Variants in MAPK8 observed in about 807,000 individuals in gnomAD.
The protein encoded by MAPK8 is mitogen-activated protein kinase 8, also known as JUN N-terminal kinase.
Under a neutral mutation model 52.9 loss-of-function variants are expected in MAPK8, and 13 were observed. The observed-to-expected ratio is 0.25, with a 90% CI of 0.16 to 0.39. MAPK8 has a LOEUF of 0.39. MAPK8 is among the 10% of genes least tolerant of loss of function. The pLI, the probability that MAPK8 is intolerant of heterozygous loss-of-function variation, is 1.00. For synonymous variants in MAPK8, 191 were observed against 169.8 expected (o/e 1.12, Z -0.97); for missense variants, 300 against 519.2 (o/e 0.58, Z 4.10).
chr10:48,320,211 CTTTTT>C lies in MAPK8; in HGVS notation c.-50+13418_-50+13422del, dbSNP rs71026206. On this transcript the variant is annotated intron_variant, in intron 1 of 11. Coordinates refer to ENST00000374189, the MANE Select transcript of MAPK8 (RefSeq NM_001323329.2). Reference sequence around the variant, plus strand: ...TTTCAGGTGTGAGCCACTGCTCGGCCTTTTTTTTTTTTTTTTTTTTTTTTTTTTTT... The same window carrying C: ...TTTCAGGTGTGAGCCACTGCTCGGCCTTTTTTTTTTTTTTTTTTTTTTTTT... Among the ~76,000 whole-genome samples the C allele has an allele frequency of 2.0e-4, 7 of 35,320 alleles. No homozygotes were observed. In the East Asian group the frequency reaches 3.2e-3, roughly 16 times the overall value. 23.2% of individuals were successfully genotyped at this position (35,320 alleles called of 152,430 possible). A position where few individuals can be genotyped will look rare whatever the true frequency, so the allele number is the denominator to read the frequency against.
intron 10 of MAPK8, 118 bp from the exon 11 acceptor site, chr10:48,431,075 T>C (rs2044200224): frequency 5.8e-6 from 4 of 687,110 alleles, no homozygotes; most frequent in African/African-American, 1.8e-5. Flanking sequence ...TGACTGTCAT[T>C]GTAAGGACAC....
At chr10:48,347,019 G>A (rs1207005953) in intron 1 of MAPK8, among the ~76,000 whole-genome samples, 5 of 152,156 alleles carry the variant, frequency 3.3e-5, no homozygotes, top group East Asian at 1.9e-4. Context: ...CGGTCTCCGC[G>A]CATTGGTGGT....
chr10:48,412,808 G>A (rs1296359497), intron 5 of MAPK8, among the ~76,000 whole-genome samples: 2 of 152,118 alleles, frequency 1.3e-5, no homozygotes, highest in Admixed American at 6.5e-5. Context: ...CATATAAAAT[G>A]TGCCATTTTA....
intron 1 of MAPK8, among the ~76,000 whole-genome samples, chr10:48,360,492 G>A (rs1847419194): frequency 6.6e-6 from 1 of 152,104 alleles, no homozygotes; most frequent in Non-Finnish European, 1.5e-5. Context: ...AAATGTGTGG[G>A]GGAGGCATCT....
chr10:48,393,467 A>G (rs1299954042), intron 1 of MAPK8, among the ~76,000 whole-genome samples: 1 of 152,146 alleles, frequency 6.6e-6, no homozygotes, highest in Non-Finnish European at 1.5e-5. Flanking sequence ...GTAAGATGGA[A>G]AAAATGTAGT....
chr10:48,364,538 T>C (rs554743837), intron 1 of MAPK8, among the ~76,000 whole-genome samples: 2 of 152,186 alleles, frequency 1.3e-5, no homozygotes, highest in Non-Finnish European at 2.9e-5. Context: ...TGAATGCTTA[T>C]CATGTGCCAG....
At chr10:48,393,494 G>A (rs2041733260) in intron 1 of MAPK8, among the ~76,000 whole-genome samples, 1 of 152,012 alleles carries the variant, frequency 6.6e-6, no homozygotes, top group African/African-American at 2.4e-5. Flanking sequence ...CCTAACATAA[G>A]GAAACATCAG....
At position 48,435,167 on chromosome 10, in the gene MAPK8, A is replaced by T. The variant is rs1483423552; in HGVS notation, c.*138A>T. On this transcript the variant is annotated 3_prime_UTR_variant, in exon 12 of 12. Transcript: ENST00000374189. ...AATTCATTTTGTAGTAAAGTAGTTT[A>T]TTTTTTTTAATTTCAAGTGATGTAA... 7 of 599,232 alleles carry T rather than the reference A, an allele frequency of 1.2e-5. No homozygotes were observed. The highest frequency in any genetic ancestry group is 1.8e-5 in the Non-Finnish European group (7 of 378,464). 37.1% of individuals were successfully genotyped at this position (599,232 alleles called of 1,614,324 possible).
Position 48,335,670 on chromosome 10 carries a change from A to T in MAPK8, c.-50+28849A>T, listed in dbSNP as rs187017653. Among the ~76,000 whole-genome samples, 222 of 152,316 alleles carry T rather than the reference A, an allele frequency of 1.5e-3. 1 individual carries two copies. The highest frequency in any genetic ancestry group is 5.2e-3 in the African/African-American group (218 of 41,566). On this transcript the variant is annotated intron_variant, in intron 1 of 11. Transcript: ENST00000374189. ...ACATAGTTTGTGTGTCATTCTTTCA[A>T]GTAAAAATTGTATTATTTAAAAACA...
At position 48,437,194 on chromosome 10, in the gene MAPK8, A is replaced by G. The variant is rs2133425033; in HGVS notation, c.*2165A>G. 1 of 152,358 alleles carries G rather than the reference A, an allele frequency of 6.6e-6. No homozygotes were observed. The highest frequency in any genetic ancestry group is 2.1e-4 in the South Asian group (1 of 4,826). 9.4% of individuals were successfully genotyped at this position (152,358 alleles called of 1,614,324 possible). A position where few individuals can be genotyped will look rare whatever the true frequency, so the allele number is the denominator to read the frequency against. On this transcript the variant is annotated 3_prime_UTR_variant, in exon 12 of 12. Coordinates refer to ENST00000374189, the MANE Select transcript of MAPK8 (RefSeq NM_001323329.2). ...CTCTCATTACTTAGTGTAAACTAAA[A>G]TACTTAACAAATTATATCCTAAAAA...
In MAPK8 at chr10:48,352,486, A is replaced by G. The variant is rs77919651; in HGVS notation, c.-50+45665A>G. Among the ~76,000 whole-genome samples the G allele has an allele frequency of 4.1e-3, 627 of 152,324 alleles. 6 individuals carry two copies. The highest frequency in any genetic ancestry group is 0.015 in the African/African-American group (607 of 41,574). On this transcript the variant is annotated intron_variant, in intron 1 of 11. Coordinates refer to ENST00000374189, the MANE Select transcript of MAPK8 (RefSeq NM_001323329.2). ...TGATTCAACATTTGAAAATCTGTCAATGTAATCTATCAATGTAACCATATT... is the reference window on the plus strand; with the variant it reads ...TGATTCAACATTTGAAAATCTGTCAGTGTAATCTATCAATGTAACCATATT...
At chr10:48,318,502 C>T (rs950080249) in intron 1 of MAPK8, among the ~76,000 whole-genome samples, 3 of 152,100 alleles carry the variant, frequency 2.0e-5, no homozygotes, top group Admixed American at 6.5e-5. Flanking sequence ...TGTAACTGGC[C>T]ACAGGGTTTG....
chr10:48,336,501 T>C (rs1324285079), intron 1 of MAPK8, among the ~76,000 whole-genome samples: 2 of 152,212 alleles, frequency 1.3e-5, no homozygotes, highest in African/African-American at 2.4e-5. Context: ...TTAAAAATTA[T>C]TGAATATCTC....
chr10:48,381,330 A>G (rs998251645), intron 1 of MAPK8, among the ~76,000 whole-genome samples: 1 of 152,158 alleles, frequency 6.6e-6, no homozygotes, highest in African/African-American at 2.4e-5. Context: ...AAACTAGGCA[A>G]AATTACTTTT....
At chr10:48,381,106 G>C (rs1352459519) in intron 1 of MAPK8, among the ~76,000 whole-genome samples, 1 of 152,052 alleles carries the variant, frequency 6.6e-6, no homozygotes, top group Non-Finnish European at 1.5e-5. Flanking sequence ...GTTCAAAAGA[G>C]AAAACGAAAT....
chr10:48,340,219 A>G lies in MAPK8; in HGVS notation c.-50+33398A>G, dbSNP rs79128954. ...TATGCACCATGGATACTACAGAGCCATAATCAGGAATGAAATAATGTCCTT... is the reference window on the plus strand; with the variant it reads ...TATGCACCATGGATACTACAGAGCCGTAATCAGGAATGAAATAATGTCCTT... On this transcript the variant is annotated intron_variant, in intron 1 of 11. Transcript: ENST00000374189. Among the ~76,000 whole-genome samples, 1,362 of 152,368 alleles carry G rather than the reference A, an allele frequency of 8.9e-3. 10 individuals carry two copies. The highest frequency in any genetic ancestry group is 0.02 in the Middle Eastern group (6 of 294).
intron 1 of MAPK8, among the ~76,000 whole-genome samples, chr10:48,366,628 G>A (rs1448400261): frequency 6.6e-6 from 1 of 152,058 alleles, no homozygotes; most frequent in East Asian, 1.9e-4. Context: ...AATAAGTTTT[G>A]CAAATATTTA....
chr10:48,373,883 C>A (rs958694522), intron 1 of MAPK8, among the ~76,000 whole-genome samples: 1 of 152,068 alleles, frequency 6.6e-6, no homozygotes, highest in Non-Finnish European at 1.5e-5. Context: ...GAACTCAGCT[C>A]TGGACCAAGC....
At chr10:48,390,342 C>T (rs557599076) in intron 1 of MAPK8, among the ~76,000 whole-genome samples, 1 of 152,086 alleles carries the variant, frequency 6.6e-6, no homozygotes, top group South Asian at 2.1e-4. Context: ...TATATGGGCA[C>T]CCTGTGTCCT....
Sources: allele counts gnomAD v4.1 joint callset (sites outside exome capture counted in the v4.1 genomes callset), GRCh38; gene constraint gnomAD v4.1.1; transcripts MANE v1.5; gene names NCBI Gene and HGNC (gene_info 2026-07-23, HGNC 2026-07-21).